CORO1C: variants seen among roughly 807,000 people sequenced by gnomAD.
CORO1C encodes coronin-1C.
Under a neutral mutation model 51.2 loss-of-function variants are expected in CORO1C, and 14 were observed. That is an observed-to-expected ratio of 0.27 (90% CI 0.18 to 0.43). The LOEUF is 0.43. Among genes scored for constraint, CORO1C ranks in the 20% least tolerant of loss-of-function variants. The pLI, the probability that CORO1C is intolerant of heterozygous loss-of-function variation, is 1.00. For missense variants in CORO1C, 417 were observed against 607.8 expected (o/e 0.69, Z 3.30); for synonymous variants, 181 against 210.5 (o/e 0.86, Z 1.21).
chr12:108,648,813 G>A lies in CORO1C; in HGVS notation c.1097C>T (p.Ala366Val), dbSNP rs765734485. The A allele has an allele frequency of 5.0e-6, 8 of 1,614,198 alleles. No homozygotes were observed. Among genetic ancestry groups the A allele is most frequent in the Admixed American group, 1.7e-5 (1 of 60,022 alleles). Residue 366 changes from alanine to valine, a missense_variant, in exon 10 of 11, where the codon GCG becomes GTG. Physicochemically the swap from Ala to Val is moderately conservative, Grantham distance 64 (BLOSUM62 0). Coordinates refer to ENST00000261401, the MANE Select transcript of CORO1C (RefSeq NM_014325.4). The stretch of plus-strand genomic sequence containing the variant: ...TGCCTCCAGCGCGGCCTCTGGCCCC[G>A]CTGTGTCAGGATACAGGTCATCTTG... The part of the protein sequence containing the change: ...LFQDDLYPDT[A>V]GPEAALEAEE...
chr12:108,683,159 C>A (rs1763044921), intron 2 of CORO1C, among the ~76,000 whole-genome samples: 1 of 152,112 alleles, frequency 6.6e-6, no homozygotes, highest in African/African-American at 2.4e-5. Flanking sequence ...GTGGCTCATG[C>A]CTGTAATCCC....
chr12:108,710,804 C>T (rs949153137), intron 1 of CORO1C, among the ~76,000 whole-genome samples: 1 of 152,020 alleles, frequency 6.6e-6, no homozygotes, highest in Non-Finnish European at 1.5e-5. Flanking sequence ...CCTCATGATC[C>T]GCCTGCCTCA....
intron 1 of CORO1C, among the ~76,000 whole-genome samples, chr12:108,725,157 GGT>G (rs536410150): frequency 3.7e-4 from 56 of 152,266 alleles, no homozygotes; most frequent in African/African-American, 1.2e-3. Context: ...AAACACTGGA[GGT>G]GTTTTTAAGA....
chr12:108,671,980 C>G (rs2033737440), intron 3 of CORO1C, among the ~76,000 whole-genome samples: 1 of 152,160 alleles, frequency 6.6e-6, no homozygotes, highest in South Asian at 2.1e-4. Context: ...CCAGGCTGGT[C>G]TTGAACTCCT....
At chr12:108,707,150 T>C (rs1273836614) in intron 1 of CORO1C, among the ~76,000 whole-genome samples, 1 of 152,136 alleles carries the variant, frequency 6.6e-6, no homozygotes, top group Non-Finnish European at 1.5e-5. Context: ...CCTATCAGAC[T>C]CCCAGAAGAA....
At chr12:108,651,469 G>A (rs529194080) in intron 8 of CORO1C, among the ~76,000 whole-genome samples, 1 of 152,150 alleles carries the variant, frequency 6.6e-6, no homozygotes, top group Non-Finnish European at 1.5e-5. Flanking sequence ...TATCATAGCT[G>A]AACTTCCTAA....
chr12:108,682,498 C>T (rs1398548970), intron 2 of CORO1C, among the ~76,000 whole-genome samples: 1 of 152,166 alleles, frequency 6.6e-6, no homozygotes, highest in Non-Finnish European at 1.5e-5. Flanking sequence ...TATATTGCCA[C>T]TATAAACTGT....
At chr12:108,670,872 TCAAAA>T (rs934286193) in intron 3 of CORO1C, among the ~76,000 whole-genome samples, 8 of 150,534 alleles carry the variant, frequency 5.3e-5, no homozygotes, top group African/African-American at 1.7e-4. Context: ...CTTGAAAAAC[TCAAAA>T]CAAAGTGACA....
At chr12:108,713,752 T>C (rs2035250068) in intron 1 of CORO1C, among the ~76,000 whole-genome samples, 1 of 152,208 alleles carries the variant, frequency 6.6e-6, no homozygotes, top group African/African-American at 2.4e-5. Flanking sequence ...TTTCAGCCCA[T>C]GAACTGTCAT....
At chr12:108,694,892 A>G (rs909747996) in intron 2 of CORO1C, among the ~76,000 whole-genome samples, 3 of 152,274 alleles carry the variant, frequency 2.0e-5, no homozygotes, top group Non-Finnish European at 2.9e-5. Context: ...GTGAACTAAC[A>G]TTATGAGTCA....
intron 1 of CORO1C, chr12:108,729,999 A>G (rs2035680654): frequency 1.3e-5 from 2 of 152,258 alleles, no homozygotes; most frequent in African/African-American, 4.8e-5. Flanking sequence ...TCCCAGGCAG[A>G]AAGGCTGCGG....
At chr12:108,711,233 TG>T (rs1046395599) in intron 1 of CORO1C, among the ~76,000 whole-genome samples, 3 of 151,670 alleles carry the variant, frequency 2.0e-5, no homozygotes, top group Admixed American at 2.0e-4. Context: ...GGTGTGATGT[TG>T]TAGTATACCC....
chr12:108,696,305 G>A (rs1262591583), intron 2 of CORO1C: 1 of 152,062 alleles, frequency 6.6e-6, no homozygotes, highest in East Asian at 1.9e-4. Flanking sequence ...CTCCAGCCAA[G>A]AGAATGTCAA....
At chr12:108,729,179 T>C (rs916993870) in intron 1 of CORO1C, among the ~76,000 whole-genome samples, 7 of 152,218 alleles carry the variant, frequency 4.6e-5, no homozygotes, top group Non-Finnish European at 1.0e-4. Flanking sequence ...CTCTTCCTCA[T>C]GGTTGGAGTG....
At chr12:108,683,076 T>TA (rs1453277635) in intron 2 of CORO1C, among the ~76,000 whole-genome samples, 1 of 152,216 alleles carries the variant, frequency 6.6e-6, no homozygotes, top group Non-Finnish European at 1.5e-5. Context: ...ATTGAGTTGC[T>TA]ACCTTGAGAA....
chr12:108,709,899 C>T (rs1463130491), intron 1 of CORO1C, among the ~76,000 whole-genome samples: 1 of 152,166 alleles, frequency 6.6e-6, no homozygotes, highest in Non-Finnish European at 1.5e-5. Context: ...CTTTCCCTTG[C>T]TTGCAACAGT....
At chr12:108,693,113 T>C (rs1430779413) in intron 2 of CORO1C, among the ~76,000 whole-genome samples, 1 of 151,918 alleles carries the variant, frequency 6.6e-6, no homozygotes, top group Non-Finnish European at 1.5e-5. Flanking sequence ...ACAGATTCTA[T>C]ATCCTCCCCC....
chr12:108,697,349 C>A (rs1790062888), intron 2 of CORO1C, among the ~76,000 whole-genome samples: 1 of 152,172 alleles, frequency 6.6e-6, no homozygotes, highest in Non-Finnish European at 1.5e-5. Context: ...TTCTCAGAAG[C>A]CCATGAGATA....
intron 1 of CORO1C, among the ~76,000 whole-genome samples, chr12:108,727,758 T>G (rs879183622): frequency 6.6e-6 from 1 of 152,174 alleles, no homozygotes; most frequent in African/African-American, 2.4e-5. Flanking sequence ...ATCATCAAAA[T>G]TTAAAATCTT....
Sources: allele counts gnomAD v4.1 joint callset (sites outside exome capture counted in the v4.1 genomes callset), GRCh38; gene constraint gnomAD v4.1.1; transcripts MANE v1.5; gene names NCBI Gene and HGNC (gene_info 2026-07-23, HGNC 2026-07-21).